Variants in RNF157 observed in about 807,000 individuals in gnomAD.
RNF157 encodes the protein ring finger protein 157.
In RNF157, 55 loss-of-function variants were observed where a neutral mutation model predicts 88.3. The ratio of observed to expected loss-of-function variants is 0.62; its 90% CI spans 0.50 to 0.78. The LOEUF is 0.78. RNF157 is among the 30% of genes least tolerant of loss of function. The pLI is 0.00. For missense variants in RNF157, 788 were observed against 860.8 expected, an observed-to-expected ratio of 0.92 and a Z score of 1.06; for synonymous variants, 334 against 341.2, an observed-to-expected ratio of 0.98 and a Z score of 0.23.
At chr17:76,152,230 T>G in intron 18 of RNF157, 125 bp downstream of exon 18, 1 of 691,620 alleles carries the variant, frequency 1.4e-6, no homozygotes, top group Non-Finnish European at 2.6e-6. Flanking sequence ...TCTCCAGCAC[T>G]AGCACACCCC....
intron 2 of RNF157, among the ~76,000 whole-genome samples, chr17:76,185,760 C>T (rs1428851611): frequency 2.0e-5 from 3 of 152,148 alleles, no homozygotes; most frequent in Non-Finnish European, 2.9e-5. Flanking sequence ...TGAGCCACCG[C>T]GCCCGGCCGA....
At chr17:76,222,073 T>C (rs2069993199) in intron 1 of RNF157, among the ~76,000 whole-genome samples, 2 of 152,224 alleles carry the variant, frequency 1.3e-5, no homozygotes, top group South Asian at 2.1e-4. Context: ...AAAAATGTTC[T>C]AGAGGCCGGG....
intron 1 of RNF157, among the ~76,000 whole-genome samples, chr17:76,214,371 C>T (rs1444393627): frequency 4.6e-5 from 7 of 152,012 alleles, no homozygotes; most frequent in African/African-American, 9.7e-5. Flanking sequence ...TTCCTATATC[C>T]GCAGACGCAC....
rs960506303 is a variant in RNF157 at position 76,167,657 on chromosome 17, A to G, written c.437T>C (p.Ile146Thr). ...YQATEEFQNG[I>T]ASYIPKDNSL... ...CCTGGTCTCCTGATCTTACCTGGCA[A>G]TACCATTCTGGAACTCTTCCGTGGC... The change falls in exon 4 of 19, where the codon ATT becomes ACT. Residue 146 changes from isoleucine (I) to threonine (T), a missense_variant. Transcript: ENST00000269391. The G allele has an allele frequency of 1.9e-6, 3 of 1,613,870 alleles. No individual in the cohort carries two copies. In the African/African-American group the frequency reaches 4.0e-5, roughly 22 times the overall value.
chr17:76,219,023 AG>A (rs2069937572), intron 1 of RNF157, among the ~76,000 whole-genome samples: 1 of 152,194 alleles, frequency 6.6e-6, no homozygotes, highest in African/African-American at 2.4e-5. Context: ...GCAGAGAAAA[AG>A]CAGAATATGT....
chr17:76,229,518 A>C (rs2070151948), intron 1 of RNF157, among the ~76,000 whole-genome samples: 1 of 152,032 alleles, frequency 6.6e-6, no homozygotes, highest in Admixed American at 6.6e-5. Context: ...CCCATACTCA[A>C]CTCCCAAACC....
At chr17:76,182,794 A>C (rs1480428903) in intron 2 of RNF157, among the ~76,000 whole-genome samples, 13 of 117,374 alleles carry the variant, frequency 1.1e-4, no homozygotes, top group African/African-American at 5.8e-4. Flanking sequence ...TATATGAGAG[A>C]TATATATATG....
At position 76,229,554 on chromosome 17, in the gene RNF157, G is replaced by A. The variant is rs141289837; in HGVS notation, c.88+10599C>T. Among the ~76,000 whole-genome samples, 8 of 152,270 alleles carry A rather than the reference G, an allele frequency of 5.3e-5. No individual in the cohort carries two copies. In the East Asian group the frequency reaches 1.5e-3, roughly 29 times the overall value. On this transcript the variant is annotated intron_variant, in intron 1 of 18. Transcript: ENST00000269391. ...TTTGTCTCTGATCTTCAGCATTTCAGTCCAAATCTTCAATCACCTGCCATA... is the reference window on the plus strand; with the variant it reads ...TTTGTCTCTGATCTTCAGCATTTCAATCCAAATCTTCAATCACCTGCCATA...
At chr17:76,172,062 C>G (rs534418616) in intron 3 of RNF157, among the ~76,000 whole-genome samples, 12 of 152,320 alleles carry the variant, frequency 7.9e-5, no homozygotes, top group Non-Finnish European at 1.6e-4. Context: ...GGGGACTGTT[C>G]TGCAGCAGAC....
chr17:76,147,278 A>T (rs2068599421), intron 18 of RNF157: 2 of 984,852 alleles, frequency 2.0e-6, no homozygotes, highest in Non-Finnish European at 2.4e-6. Flanking sequence ...CCTATTCCTC[A>T]ATGTTTATGG....
rs1214764584 is a variant in RNF157, at chr17:76,185,471, C to CTCTCTTTTTTTTT, written c.208-11682_208-11681insAAAAAAAAAGAGA. On this transcript the variant is annotated intron_variant, in intron 2 of 18. Coordinates refer to ENST00000269391, the MANE Select transcript of RNF157 (RefSeq NM_052916.3). ...AATGACTAGTGGTCAGAGATTAGTC[C>CTCTCTTTTTTTTT]TTTCTTTTTTTTTTTTGAGACGGAG... 6.8e-4 allele frequency among the ~76,000 whole-genome samples: 98 copies of CTCTCTTTTTTTTT among 144,418 alleles called. 1 individual carries two copies. The highest frequency in any genetic ancestry group is 3.5e-3 in the Middle Eastern group (1 of 286). The allele number at this position is 144,418 out of a possible 152,430, so 94.7% of individuals were successfully genotyped here. A position where few individuals can be genotyped will look rare whatever the true frequency, so the allele number is the denominator to read the frequency against.
Position 76,166,492 on chromosome 17 carries a change from T to C in RNF157, c.597A>G (p.Leu199=). 1 of 1,613,484 alleles carries C rather than the reference T, an allele frequency of 6.2e-7. No individual in the cohort carries two copies. Among genetic ancestry groups the C allele is most frequent in the Non-Finnish European group, 8.5e-7 (1 of 1,179,886 alleles). ...CTTCATCCACCACGGCATGTACCAC[T>C]AGAGGGTAAACTTCTCGGTCTAAAT... The part of the protein sequence containing the change: ...GFDLDREVYP[L]VVHAVVDEGD... The change falls in exon 6 of 19, where the codon CTA becomes CTG. Residue 199 remains leucine, a synonymous_variant. Transcript: ENST00000269391.
Position 76,193,065 on chromosome 17 carries a change from C to T in RNF157, c.208-19275G>A, listed in dbSNP as rs147775350. Among the ~76,000 whole-genome samples, 494 of 152,222 alleles carry T rather than the reference C, an allele frequency of 3.2e-3. 3 individuals carry two copies. The highest frequency in any genetic ancestry group is 0.011 in the African/African-American group (474 of 41,538). On this transcript the variant is annotated intron_variant, in intron 2 of 18. Transcript: ENST00000269391. ...AACTCCAGAGCTCAAGTGATCCTCC[C>T]GCCTCGGCCTCCCAACATGCTGGGA...
chr17:76,182,265 CTG>C lies in RNF157; in HGVS notation c.208-8477_208-8476del, dbSNP rs533165731. 1.5e-4 allele frequency among the ~76,000 whole-genome samples: 23 copies of C among 152,336 alleles called. No homozygotes were observed. In the East Asian group the frequency reaches 4.4e-3, roughly 29 times the overall value. ...CCTCAGGCGTTTGCTGACGAAGGCT[CTG>C]TGTGTTACGTGAGCAACTCCTCTTT... On this transcript the variant is annotated intron_variant, in intron 2 of 18. Transcript: ENST00000269391.
At chr17:76,154,651 T>A (rs2068733599) in intron 16 of RNF157, 1 of 288,608 alleles carries the variant, frequency 3.5e-6, no homozygotes, top group African/African-American at 2.2e-5. Flanking sequence ...AAAGAGCAAA[T>A]TGTGAGATCA....
chr17:76,226,003 C>T, intron 1 of RNF157: 1 of 1,611,226 alleles, frequency 6.2e-7, no homozygotes, highest in Non-Finnish European at 8.5e-7. Context: ...TTGCTGCTAC[C>T]ATCTTCTCTC....
chr17:76,174,398 C>G (rs917548084), intron 2 of RNF157, among the ~76,000 whole-genome samples: 1 of 152,166 alleles, frequency 6.6e-6, no homozygotes, highest in Non-Finnish European at 1.5e-5. Flanking sequence ...ATTTACCATC[C>G]GCTTCTTCCC....
chr17:76,216,864 C>A (rs1056862351), intron 1 of RNF157, among the ~76,000 whole-genome samples: 2 of 151,610 alleles, frequency 1.3e-5, no homozygotes, highest in African/African-American at 4.8e-5. Context: ...ACATTCCAGT[C>A]TGGGTAAAAG....
intron 5 of RNF157, 28 bp from the exon 6 acceptor site, chr17:76,166,555 A>AAAAAGAGG: frequency 6.3e-7 from 1 of 1,594,160 alleles, no homozygotes; most frequent in South Asian, 1.1e-5. Flanking sequence ...GAAAGGAAAA[A>AAAAAGAGG]AAAAGAGGAC....
Sources: gnomAD v4.1 joint callset for allele counts (sites outside exome capture counted in the v4.1 genomes callset) on GRCh38, gnomAD v4.1.1 for gene constraint, MANE v1.5 for transcripts, NCBI Gene and HGNC (gene_info 2026-07-23, HGNC 2026-07-21) for gene names.